The following IGF2BP3 variants were observed in gnomAD, a reference collection of about 807,000 sequenced individuals.
The protein encoded by IGF2BP3 is insulin like growth factor 2 mRNA binding protein 3.
A neutral mutation model predicts 73.8 loss-of-function variants in IGF2BP3; 9 were observed. The observed-to-expected ratio is 0.12, with a 90% CI of 0.07 to 0.21. The LOEUF (loss-of-function observed/expected upper bound fraction) is 0.21. Among genes scored for constraint, IGF2BP3 ranks in the 10% least tolerant of loss-of-function variants. The pLI, the probability that IGF2BP3 is intolerant of heterozygous loss-of-function variation, is 1.00. For missense variants in IGF2BP3, 542 were observed against 714.0 expected, an observed-to-expected ratio of 0.76 and a Z score of 2.75; for synonymous variants, 258 against 256.7, an observed-to-expected ratio of 1.01 and a Z score of -0.05.
intron 3 of IGF2BP3, among the ~76,000 whole-genome samples, chr7:23,407,230 A>G (rs928005921): frequency 6.6e-6 from 1 of 151,536 alleles, no homozygotes; most frequent in Non-Finnish European, 1.5e-5. Context: ...AAATTGACCA[A>G]TTCTTTGAAC....
chr7:23,392,757 G>A (rs1432316977), intron 3 of IGF2BP3, among the ~76,000 whole-genome samples: 3 of 152,004 alleles, frequency 2.0e-5, no homozygotes, highest in African/African-American at 7.3e-5. Context: ...AGCCTCCCAA[G>A]TAGCTGGGAC....
At chr7:23,321,364 C>G (rs899263924) in intron 10 of IGF2BP3, among the ~76,000 whole-genome samples, 6 of 152,124 alleles carry the variant, frequency 3.9e-5, no homozygotes, top group Admixed American at 6.5e-5. Flanking sequence ...GCTTTTCCGA[C>G]GGGCTTAAAA....
chr7:23,373,487 T>C (rs886264365), intron 3 of IGF2BP3, among the ~76,000 whole-genome samples: 1 of 152,058 alleles, frequency 6.6e-6, no homozygotes, highest in Admixed American at 6.6e-5. Context: ...AGAATGGCCA[T>C]AATTTTTTAA....
intron 10 of IGF2BP3, among the ~76,000 whole-genome samples, chr7:23,320,947 C>CAAAAAAAAAAAAAAA (rs70966008): frequency 1.2e-4 from 12 of 96,392 alleles, no homozygotes; most frequent in African/African-American, 4.0e-4. Context: ...AACTCTGTCT[C>CAAAAAAAAAAAAAAA]AAAAAAAAAA....
Position 23,360,097 on chromosome 7 carries a change from T to A in IGF2BP3, c.401+1437A>T, listed in dbSNP as rs551900395. On this transcript the variant is annotated intron_variant, in intron 5 of 14. Coordinates refer to ENST00000258729, the MANE Select transcript of IGF2BP3 (RefSeq NM_006547.3). ...ACTAGATTGGCAAAGTTTGATAAAG[T>A]CCTGTGTTAGGGAGAATTGGAGAAA... 2.0e-5 allele frequency among the ~76,000 whole-genome samples: 3 copies of A among 151,338 alleles called. No homozygotes were observed. In the East Asian group the frequency reaches 5.8e-4, roughly 29 times the overall value.
At chr7:23,327,110 G>T (rs1358253154) in intron 10 of IGF2BP3, among the ~76,000 whole-genome samples, 1 of 151,786 alleles carries the variant, frequency 6.6e-6, no homozygotes, top group Non-Finnish European at 1.5e-5. Flanking sequence ...AAGATATTTT[G>T]TCTTACACAA....
chr7:23,333,962 C>A (rs547427173), intron 10 of IGF2BP3, among the ~76,000 whole-genome samples: 1 of 152,302 alleles, frequency 6.6e-6, no homozygotes, highest in East Asian at 1.9e-4. Context: ...GAATGTAAGG[C>A]AGCTCACATA....
chr7:23,330,865 C>CACTGCA (rs1345164928), intron 10 of IGF2BP3, among the ~76,000 whole-genome samples: 1 of 152,192 alleles, frequency 6.6e-6, no homozygotes, highest in Non-Finnish European at 1.5e-5. Context: ...AATCTCGGCT[C>CACTGCA]ACTGCAACTG....
At chr7:23,393,686 TG>T (rs1489645884) in intron 3 of IGF2BP3, among the ~76,000 whole-genome samples, 1 of 152,168 alleles carries the variant, frequency 6.6e-6, no homozygotes, top group Non-Finnish European at 1.5e-5. Context: ...AAAATAAACA[TG>T]GAAGTTGAAA....
chr7:23,417,497 G>C (rs1359784390), intron 3 of IGF2BP3, among the ~76,000 whole-genome samples: 1 of 152,140 alleles, frequency 6.6e-6, no homozygotes, highest in Admixed American at 6.5e-5. Context: ...AATTTGAAGA[G>C]ATTATGAATG....
chr7:23,427,203 TAAG>T (rs1030522226), intron 2 of IGF2BP3, among the ~76,000 whole-genome samples: 20 of 152,096 alleles, frequency 1.3e-4, no homozygotes, highest in Non-Finnish European at 4.4e-5. Flanking sequence ...ACAAAATCCT[TAAG>T]AAGAACTTGC....
chr7:23,430,251 T>C (rs573260957), intron 2 of IGF2BP3, among the ~76,000 whole-genome samples: 1 of 152,208 alleles, frequency 6.6e-6, no homozygotes, highest in Admixed American at 6.5e-5. Flanking sequence ...GCCCAGTTAA[T>C]TTTTTGTATT....
chr7:23,346,741 T>C (rs901218701), intron 7 of IGF2BP3, among the ~76,000 whole-genome samples: 6 of 151,862 alleles, frequency 4.0e-5, no homozygotes, highest in African/African-American at 7.3e-5. Flanking sequence ...TACAGGCACA[T>C]GCCACCACGC....
At chr7:23,424,747 A>C (rs978071274) in intron 2 of IGF2BP3, among the ~76,000 whole-genome samples, 2 of 152,260 alleles carry the variant, frequency 1.3e-5, no homozygotes, top group Admixed American at 1.3e-4. Flanking sequence ...AAAAAAATCA[A>C]AATTAAAATT....
chr7:23,409,926 T>C (rs1786964865), intron 3 of IGF2BP3, among the ~76,000 whole-genome samples: 1 of 152,172 alleles, frequency 6.6e-6, no homozygotes, highest in South Asian at 2.1e-4. Context: ...CCCAGCACTT[T>C]GGGAGGCCAA....
chr7:23,383,613 C>T (rs915059678), intron 3 of IGF2BP3, among the ~76,000 whole-genome samples: 9 of 152,202 alleles, frequency 5.9e-5, no homozygotes, highest in Non-Finnish European at 1.2e-4. Context: ...CTATGTGACT[C>T]TGCAAGTGAA....
At chr7:23,463,995 T>C (rs1365163648) in intron 2 of IGF2BP3, among the ~76,000 whole-genome samples, 3 of 152,190 alleles carry the variant, frequency 2.0e-5, no homozygotes, top group African/African-American at 7.2e-5. Context: ...GTGAGAAACT[T>C]TCCCGAATCG....
At chr7:23,365,706 G>A (rs1785351829) in intron 3 of IGF2BP3, 1 of 152,230 alleles carries the variant, frequency 6.6e-6, no homozygotes, top group Admixed American at 6.5e-5. Flanking sequence ...ATTTACAAGG[G>A]TATCCATGGA....
intron 3 of IGF2BP3, among the ~76,000 whole-genome samples, chr7:23,401,037 G>T (rs1786644613): frequency 6.6e-6 from 1 of 152,184 alleles, no homozygotes; most frequent in African/African-American, 2.4e-5. Flanking sequence ...CTGACCTCAA[G>T]TGACCTGCCT....
Sources: allele counts gnomAD v4.1 joint callset (sites outside exome capture counted in the v4.1 genomes callset), GRCh38; gene constraint gnomAD v4.1.1; transcripts MANE v1.5; gene names NCBI Gene and HGNC (gene_info 2026-07-23, HGNC 2026-07-21).